B4GALT1: variants seen among roughly 807,000 people sequenced by gnomAD.
B4GALT1 encodes beta-1,4-galactosyltransferase 1.
B4GALT1 carries 16 observed loss-of-function variants against 34.9 expected under a neutral mutation model. That is an observed-to-expected ratio of 0.46 (90% confidence interval 0.31 to 0.70). The LOEUF is 0.70. Among genes scored for constraint, B4GALT1 ranks in the 30% least tolerant of loss-of-function variants. The pLI is 0.05. For missense variants in B4GALT1, 445 were observed against 530.5 expected, an observed-to-expected ratio of 0.84 and a Z score of 1.58; for synonymous variants, 221 against 218.1, an observed-to-expected ratio of 1.01 and a Z score of -0.12.
At chr9:33,144,993 A>G (rs1018647756) in intron 1 of B4GALT1, among the ~76,000 whole-genome samples, 7 of 152,194 alleles carry the variant, frequency 4.6e-5, no homozygotes, top group Non-Finnish European at 8.8e-5. Flanking sequence ...AATTACAGTT[A>G]AGATCAAGAT....
At chr9:33,126,960 TTTTG>T (rs142522793) in intron 2 of B4GALT1, among the ~76,000 whole-genome samples, 16,548 of 151,832 alleles carry the variant, frequency 0.11, 979 homozygotes, top group African/African-American at 0.15. Flanking sequence ...TGTTTTTTTG[TTTTG>T]TTTGTTTGTT....
chr9:33,168,663 C>A (rs1187534065), upstream of B4GALT1, among the ~76,000 whole-genome samples: 1 of 152,212 alleles, frequency 6.6e-6, no homozygotes, highest in Non-Finnish European at 1.5e-5. Context: ...CCATTTCTGT[C>A]TCCTCTCTGG....
chr9:33,104,891 T>TGAACTGCAACTTCCACCA (rs1461927269), intron 2 of B4GALT1: 5 of 381,596 alleles, frequency 1.3e-5, no homozygotes, highest in Middle Eastern at 8.8e-4. Context: ...GCTAAGTAAA[T>TGAACTGCAACTTCCACCA]GAACTGCAAC....
In B4GALT1 at chr9:33,116,098, C is replaced by T; in HGVS notation, c.852G>A (p.Gln284=). Residue 284 remains glutamine (Q), a synonymous_variant, in exon 4 of 6, where the codon CAG becomes CAA. Transcript: ENST00000379731. ...DKFGFSLPYV[Q]YFGGVSALSK... ...TTAGAGCAGAGACACCTCCAAAATACTGAACATAAGGTAGGCTGGAGGAAA... is the reference window on the plus strand; with the variant it reads ...TTAGAGCAGAGACACCTCCAAAATATTGAACATAAGGTAGGCTGGAGGAAA... The T allele has an allele frequency of 6.2e-7, 1 of 1,613,420 alleles. No individual in the cohort carries two copies. Among genetic ancestry groups the T allele is most frequent in the South Asian group, 1.1e-5 (1 of 91,060 alleles).
chr9:33,139,129 T>C (rs1840311813), intron 1 of B4GALT1, among the ~76,000 whole-genome samples: 1 of 152,184 alleles, frequency 6.6e-6, no homozygotes, highest in African/African-American at 2.4e-5. Flanking sequence ...AAGACCACTT[T>C]CAATTTGTTT....
intron 4 of B4GALT1, 64 bp from the exon 5 acceptor site, chr9:33,113,942 G>A: frequency 6.9e-7 from 1 of 1,445,992 alleles, no homozygotes; most frequent in Non-Finnish European, 9.7e-7. Context: ...GAGAGCCCCG[G>A]CTGCAAGACT....
At chr9:33,173,978 A>G in the B4GALT1 span, among the ~76,000 whole-genome samples, 9 of 152,212 alleles carry the variant, frequency 5.9e-5, no homozygotes, top group Non-Finnish European at 1.2e-4. Context: ...GATATAAATA[A>G]ATGGAATTTG....
intron 1 of B4GALT1, among the ~76,000 whole-genome samples, chr9:33,161,040 T>TCG (rs1840667903): frequency 6.6e-6 from 1 of 151,602 alleles, no homozygotes; most frequent in African/African-American, 2.4e-5. Flanking sequence ...TCTCTCTCTC[T>TCG]CTCTCTGCCT....
intron 1 of B4GALT1, among the ~76,000 whole-genome samples, chr9:33,142,353 T>C (rs1043459229): frequency 6.6e-6 from 1 of 152,126 alleles, no homozygotes; most frequent in South Asian, 2.1e-4. Flanking sequence ...ACTTGAACAA[T>C]AAATATTTTA....
At position 33,118,957 on chromosome 9, in the gene B4GALT1, G is replaced by A. The variant is rs540597764; in HGVS notation, c.836+1462C>T. 7.8e-4 allele frequency among the ~76,000 whole-genome samples: 119 copies of A among 152,204 alleles called. 1 individual carries two copies. The highest frequency in any genetic ancestry group is 6.2e-4 in the South Asian group (3 of 4,828). On this transcript the variant is annotated intron_variant, in intron 3 of 5. Transcript: ENST00000379731. Reference sequence around the variant, plus strand: ...ACTCACTGCAACCTCTGCCTCCCGGGTTCAAGCAATTCTCCTGCCTCAGCT... The same window carrying A: ...ACTCACTGCAACCTCTGCCTCCCGGATTCAAGCAATTCTCCTGCCTCAGCT...
intron 1 of B4GALT1, among the ~76,000 whole-genome samples, chr9:33,141,144 T>C (rs1564046988): frequency 6.6e-6 from 1 of 152,178 alleles, no homozygotes; most frequent in Non-Finnish European, 1.5e-5. Context: ...GTATGTATCA[T>C]GTGCCAGGTG....
chr9:33,138,509 C>T (rs1173867036), intron 1 of B4GALT1, among the ~76,000 whole-genome samples: 1 of 152,112 alleles, frequency 6.6e-6, no homozygotes, highest in African/African-American at 2.4e-5. Flanking sequence ...AGACAGGAGA[C>T]GTGAGTGTCC....
chr9:33,149,383 C>T (rs564478787), intron 1 of B4GALT1, among the ~76,000 whole-genome samples: 41 of 152,102 alleles, frequency 2.7e-4, no homozygotes, highest in African/African-American at 9.6e-4. Context: ...CAGGCTCAAG[C>T]AAGCCTTGTG....
At chr9:33,142,826 A>G (rs1840372861) in intron 1 of B4GALT1, among the ~76,000 whole-genome samples, 1 of 152,156 alleles carries the variant, frequency 6.6e-6, no homozygotes, top group Non-Finnish European at 1.5e-5. Flanking sequence ...GCATTTGGGA[A>G]CAGAGAGAAA....
chr9:33,180,453 G>A, the B4GALT1 span, among the ~76,000 whole-genome samples: 15 of 152,212 alleles, frequency 9.9e-5, no homozygotes, highest in Admixed American at 2.6e-4. Flanking sequence ...CAGGGCTGAA[G>A]GCAGCATCCT....
chr9:33,147,917 C>A (rs924710599), intron 1 of B4GALT1, among the ~76,000 whole-genome samples: 2 of 151,844 alleles, frequency 1.3e-5, no homozygotes, highest in African/African-American at 4.8e-5. Flanking sequence ...ACCTGTAGTC[C>A]CAACTACTCA....
chr9:33,161,950 G>T (rs1399205788), intron 1 of B4GALT1, among the ~76,000 whole-genome samples: 2 of 152,188 alleles, frequency 1.3e-5, no homozygotes, highest in Non-Finnish European at 2.9e-5. Flanking sequence ...AGTGCAAAGG[G>T]GATGAGCCTG....
intron 1 of B4GALT1, among the ~76,000 whole-genome samples, chr9:33,155,170 T>C (rs1357879767): frequency 6.6e-6 from 1 of 152,138 alleles, no homozygotes; most frequent in African/African-American, 2.4e-5. Flanking sequence ...TCATCTCATT[T>C]TATACATGGG....
At chr9:33,105,731 T>C (rs1839790856), downstream of B4GALT1, among the ~76,000 whole-genome samples, 1 of 152,202 alleles carries the variant, frequency 6.6e-6, no homozygotes, top group Non-Finnish European at 1.5e-5. Flanking sequence ...ATATTTGTCC[T>C]TTTGTGACTG....
Sources: gnomAD v4.1 joint callset for allele counts (sites outside exome capture counted in the v4.1 genomes callset) on GRCh38, gnomAD v4.1.1 for gene constraint, MANE v1.5 for transcripts, NCBI Gene and HGNC (gene_info 2026-07-23, HGNC 2026-07-21) for gene names.